TMEM132D: variants seen among roughly 807,000 people sequenced by gnomAD.
TMEM132D encodes transmembrane protein 132D, also known as mature OL transmembrane protein.
Under a neutral mutation model 62.3 loss-of-function variants are expected in TMEM132D, and 21 were observed. That is an observed-to-expected ratio of 0.34 (90% CI 0.24 to 0.49). The LOEUF (loss-of-function observed/expected upper bound fraction) is 0.49, where lower values mean the gene tolerates loss of function less well. TMEM132D is among the 20% of genes least tolerant of loss of function. The pLI is 0.99. For missense variants in TMEM132D, 1,346 were observed against 1,402.8 expected, an observed-to-expected ratio of 0.96 and a Z score of 0.65; for synonymous variants, 621 against 575.6, an observed-to-expected ratio of 1.08 and a Z score of -1.13.
At chr12:129,725,505 C>A (rs1017674453) in intron 1 of TMEM132D, among the ~76,000 whole-genome samples, 3 of 152,208 alleles carry the variant, frequency 2.0e-5, no homozygotes, top group South Asian at 2.1e-4. Context: ...ATAAGCTCTC[C>A]CCAGCCTATC....
chr12:129,791,093 G>C (rs1169885067), intron 1 of TMEM132D, among the ~76,000 whole-genome samples: 1 of 152,130 alleles, frequency 6.6e-6, no homozygotes, highest in Admixed American at 6.5e-5. Context: ...TAAGTTTAAT[G>C]TCAATTGCAT....
chr12:129,250,830 G>T (rs566481713), intron 4 of TMEM132D, among the ~76,000 whole-genome samples: 2 of 152,326 alleles, frequency 1.3e-5, no homozygotes, highest in South Asian at 4.1e-4. Context: ...GTGGGAGAAT[G>T]TAGTGAGATA....
At chr12:129,593,453 T>A (rs919475347) in intron 2 of TMEM132D, among the ~76,000 whole-genome samples, 2 of 152,242 alleles carry the variant, frequency 1.3e-5, no homozygotes, top group Non-Finnish European at 2.9e-5. Context: ...TGTTTTAATA[T>A]GTCCATGAAA....
intron 2 of TMEM132D, among the ~76,000 whole-genome samples, chr12:129,548,130 C>A (rs1439878093): frequency 6.6e-6 from 1 of 152,132 alleles, no homozygotes; most frequent in Non-Finnish European, 1.5e-5. Flanking sequence ...CTTAATCACC[C>A]CGTGGGGCAA....
intron 5 of TMEM132D, among the ~76,000 whole-genome samples, chr12:129,097,433 A>G (rs893678729): frequency 2.0e-5 from 3 of 152,270 alleles, no homozygotes; most frequent in African/African-American, 4.8e-5. Context: ...TCTTAAAAAA[A>G]CAAACATATT....
intron 3 of TMEM132D, among the ~76,000 whole-genome samples, chr12:129,489,044 C>A (rs1874679462): frequency 6.6e-6 from 1 of 152,158 alleles, no homozygotes; most frequent in South Asian, 2.1e-4. Flanking sequence ...CAATAGCCAT[C>A]AATAACAATA....
chr12:129,233,784 G>T (rs1180939674), intron 4 of TMEM132D, among the ~76,000 whole-genome samples: 2 of 151,804 alleles, frequency 1.3e-5, no homozygotes, highest in South Asian at 4.2e-4. Context: ...CTGCCACCAC[G>T]CCCGGCTAAC....
intron 3 of TMEM132D, among the ~76,000 whole-genome samples, chr12:129,415,965 T>C (rs1872109123): frequency 6.6e-6 from 1 of 152,234 alleles, no homozygotes; most frequent in Non-Finnish European, 1.5e-5. Context: ...ACTGCTATTC[T>C]TCCCCCTTCT....
chr12:129,528,823 A>C (rs1408384272), intron 3 of TMEM132D, among the ~76,000 whole-genome samples: 1 of 152,234 alleles, frequency 6.6e-6, no homozygotes, highest in Non-Finnish European at 1.5e-5. Flanking sequence ...AACTGGAAAA[A>C]GACCTGCTCC....
intron 1 of TMEM132D, among the ~76,000 whole-genome samples, chr12:129,846,240 G>A (rs569813048): frequency 6.6e-6 from 1 of 152,186 alleles, no homozygotes; most frequent in East Asian, 1.9e-4. Flanking sequence ...CACTTATCAT[G>A]GCCTTTCATT....
chr12:129,317,657 T>G (rs1299926744), intron 4 of TMEM132D, among the ~76,000 whole-genome samples: 3 of 152,162 alleles, frequency 2.0e-5, no homozygotes, highest in Non-Finnish European at 4.4e-5. Context: ...TCCCAGGTGT[T>G]TTTTATGCTT....
chr12:129,896,332 G>C (rs1387517706), intron 1 of TMEM132D, among the ~76,000 whole-genome samples: 2 of 152,124 alleles, frequency 1.3e-5, no homozygotes, highest in Non-Finnish European at 2.9e-5. Context: ...AGAGGCAGTG[G>C]CTGCCAGGTG....
At chr12:129,286,771 A>G (rs1490285168) in intron 4 of TMEM132D, among the ~76,000 whole-genome samples, 1 of 152,184 alleles carries the variant, frequency 6.6e-6, no homozygotes, top group Non-Finnish European at 1.5e-5. Context: ...CAGGGAGCCA[A>G]GCATGGTGGC....
At chr12:129,468,465 C>T (rs760869617) in intron 3 of TMEM132D, among the ~76,000 whole-genome samples, 1 of 152,196 alleles carries the variant, frequency 6.6e-6, no homozygotes, top group Non-Finnish European at 1.5e-5. Context: ...AAGGCAGCAT[C>T]TCTGCATCCA....
chr12:129,202,618 G>A (rs1284804569), intron 5 of TMEM132D, among the ~76,000 whole-genome samples: 1 of 152,150 alleles, frequency 6.6e-6, no homozygotes, highest in Admixed American at 6.5e-5. Context: ...ACTGGATAAT[G>A]TGTCTATCCC....
At chr12:129,309,583 A>G (rs1314256948) in intron 4 of TMEM132D, among the ~76,000 whole-genome samples, 5 of 152,036 alleles carry the variant, frequency 3.3e-5, no homozygotes, top group Non-Finnish European at 7.4e-5. Flanking sequence ...CCAGAACCCC[A>G]CCCGGATCAC....
rs147783561 is a variant in TMEM132D, at chr12:129,161,186, C to G, written c.1443+48334G>C. On this transcript the variant is annotated intron_variant, in intron 5 of 8. Transcript: ENST00000422113. Reference sequence around the variant, plus strand: ...GAGGAACAGCAGGAAGGAGGGATGTCATTCTGGCTTCCTCCTGGGAGAGTC... The same window carrying G: ...GAGGAACAGCAGGAAGGAGGGATGTGATTCTGGCTTCCTCCTGGGAGAGTC... Among the ~76,000 whole-genome samples the G allele has an allele frequency of 2.1e-3, 322 of 152,316 alleles. 2 individuals carry two copies. Among genetic ancestry groups the G allele is most frequent in the African/African-American group, 7.3e-3 (303 of 41,564 alleles).
chr12:129,602,511 T>C (rs959191246), intron 2 of TMEM132D, among the ~76,000 whole-genome samples: 1 of 151,976 alleles, frequency 6.6e-6, no homozygotes, highest in African/African-American at 2.4e-5. Context: ...GAGGAGAAGA[T>C]GAACTGAAGA....
intron 3 of TMEM132D, among the ~76,000 whole-genome samples, chr12:129,436,113 T>G (rs1175242181): frequency 6.6e-6 from 1 of 152,128 alleles, no homozygotes; most frequent in African/African-American, 2.4e-5. Context: ...GGCAGCTATC[T>G]TGAGGGCACG....
Sources: gnomAD v4.1 joint callset for allele counts (sites outside exome capture counted in the v4.1 genomes callset) on GRCh38, gnomAD v4.1.1 for gene constraint, MANE v1.5 for transcripts, NCBI Gene and HGNC (gene_info 2026-07-23, HGNC 2026-07-21) for gene names.